Variants in TRERF1 observed in about 807,000 individuals in gnomAD.
The protein encoded by TRERF1 is transcriptional regulating factor 1, also known as transcriptional-regulating factor 1.
In TRERF1, 27 loss-of-function variants were observed where a neutral mutation model predicts 122.9. That is an observed-to-expected ratio of 0.22 (90% CI 0.16 to 0.30). The LOEUF (loss-of-function observed/expected upper bound fraction) is 0.30, where lower values mean the gene tolerates loss of function less well. Ranked by LOEUF, TRERF1 falls within the 10% of genes least tolerant of loss-of-function variation. The pLI is 1.00. For synonymous variants in TRERF1, 636 were observed against 641.7 expected, an observed-to-expected ratio of 0.99 and a Z score of 0.13; for missense variants, 1,248 against 1,560.3, an observed-to-expected ratio of 0.80 and a Z score of 3.37.
intron 2 of TRERF1, among the ~76,000 whole-genome samples, chr6:42,397,353 A>T (rs1171347990): frequency 6.6e-6 from 1 of 152,204 alleles, no homozygotes; most frequent in Non-Finnish European, 1.5e-5. Context: ...ATGACAGGAC[A>T]CAGGCACCGT....
intron 4 of TRERF1, among the ~76,000 whole-genome samples, chr6:42,272,357 T>G (rs1029500616): frequency 1.8e-4 from 28 of 151,638 alleles, no homozygotes; most frequent in Non-Finnish European, 3.4e-4. Flanking sequence ...GAGCCGTGGG[T>G]GGAAGGGGAG....
intron 10 of TRERF1, 40 bp downstream of exon 10, chr6:42,258,095 C>A (rs745621370): frequency 1.3e-6 from 2 of 1,551,154 alleles, no homozygotes; most frequent in East Asian, 4.5e-5. Flanking sequence ...TCTCAAGAAG[C>A]TGAGGCTTCT....
chr6:42,429,448 GCTA>G (rs1387270279), intron 2 of TRERF1, among the ~76,000 whole-genome samples: 1 of 152,156 alleles, frequency 6.6e-6, no homozygotes, highest in Non-Finnish European at 1.5e-5. Flanking sequence ...AGCACCCCCT[GCTA>G]CCGCCTCCTC....
chr6:42,355,245 A>T (rs1332203394), intron 3 of TRERF1, among the ~76,000 whole-genome samples: 1 of 152,218 alleles, frequency 6.6e-6, no homozygotes, highest in East Asian at 1.9e-4. Flanking sequence ...CACTTTATAT[A>T]TTCCTCTTAA....
intron 3 of TRERF1, among the ~76,000 whole-genome samples, chr6:42,344,625 A>G (rs1281652379): frequency 6.6e-6 from 1 of 152,138 alleles, no homozygotes; most frequent in African/African-American, 2.4e-5. Flanking sequence ...GTTCCTGCCC[A>G]GTGCTACTAA....
At chr6:42,396,301 G>A (rs777848948) in intron 2 of TRERF1, among the ~76,000 whole-genome samples, 1 of 152,028 alleles carries the variant, frequency 6.6e-6, no homozygotes, top group African/African-American at 2.4e-5. Flanking sequence ...TGCTCCGACC[G>A]ACTGAAACAA....
intron 2 of TRERF1, among the ~76,000 whole-genome samples, chr6:42,404,326 G>T (rs1172028147): frequency 6.6e-6 from 1 of 152,062 alleles, no homozygotes; most frequent in Non-Finnish European, 1.5e-5. Context: ...GGTCACCGTA[G>T]ACTCCCCTGC....
chr6:42,284,071 T>C (rs769379902), intron 4 of TRERF1, among the ~76,000 whole-genome samples: 44 of 152,222 alleles, frequency 2.9e-4, no homozygotes, highest in Non-Finnish European at 5.0e-4. Context: ...ATTTATCATT[T>C]GTGCATAAAC....
chr6:42,268,878 T>G lies in TRERF1; in HGVS notation c.713A>C (p.Gln238Pro), dbSNP rs1256750446. ...CTGCACTGGCACCTGAGCCAGAGGCTGCTGGTAGTCATAATACAGGTGCCC... is the reference window on the plus strand; with the variant it reads ...CTGCACTGGCACCTGAGCCAGAGGCGGCTGGTAGTCATAATACAGGTGCCC... Residue 238 changes from glutamine (Q) to proline (P), a missense_variant, in exon 5 of 18, where the codon CAG (glutamine) becomes CCG (proline). Physicochemically the swap from Gln to Pro is moderately conservative, Grantham distance 76. Transcript: ENST00000372922. This position sits in a 1 kb window ranked among gnomAD's most constrained non-coding sequence, Gnocchi z 4.4. 1.2e-6 allele frequency: 2 copies of G among 1,614,110 alleles called. No individual in the cohort carries two copies. Among genetic ancestry groups the G allele is most frequent in the Non-Finnish European group, 1.7e-6 (2 of 1,179,996 alleles).
intron 3 of TRERF1, among the ~76,000 whole-genome samples, chr6:42,355,563 G>A (rs1431498502): frequency 1.3e-5 from 2 of 152,178 alleles, no homozygotes; most frequent in Non-Finnish European, 2.9e-5. Context: ...GGATCTGGAA[G>A]TTTTCCATCT....
chr6:42,386,358 G>A (rs745964584), intron 2 of TRERF1, among the ~76,000 whole-genome samples: 13 of 152,242 alleles, frequency 8.5e-5, no homozygotes, highest in South Asian at 6.2e-4. Context: ...CAGGAGAATC[G>A]CTTGAACCCA....
At position 42,393,443 on chromosome 6, in the gene TRERF1, G is replaced by A. The variant is rs117925884; in HGVS notation, c.-453-30364C>T. Among the ~76,000 whole-genome samples, 11 of 152,318 alleles carry A rather than the reference G, an allele frequency of 7.2e-5. No homozygotes were observed. In the South Asian group the frequency reaches 1.2e-3, roughly 17 times the overall value. ...CTTCTCAGAGAAGTGGTTGAAGGAC[G>A]ATGAGAAGTAAGTAAAGGTCAGAAC... is the stretch of plus-strand genomic sequence containing the variant. On this transcript the variant is annotated intron_variant, in intron 2 of 17. Coordinates refer to ENST00000372922, the Ensembl canonical transcript of TRERF1. This position sits in a 1 kb window ranked among gnomAD's most constrained non-coding sequence, Gnocchi z 4.1.
intron 2 of TRERF1, among the ~76,000 whole-genome samples, chr6:42,429,923 G>A (rs1250200499): frequency 6.6e-6 from 1 of 152,156 alleles, no homozygotes; most frequent in Non-Finnish European, 1.5e-5. Context: ...AAGCCCTGTT[G>A]AGAAAGAGAC....
chr6:42,296,480 C>T (rs897887751), intron 4 of TRERF1, among the ~76,000 whole-genome samples: 5 of 152,198 alleles, frequency 3.3e-5, no homozygotes, highest in Non-Finnish European at 7.3e-5. Context: ...GTTACAAGCT[C>T]TACAGGCATC....
At chr6:42,380,811 G>A (rs1775786029) in intron 2 of TRERF1, among the ~76,000 whole-genome samples, 1 of 152,224 alleles carries the variant, frequency 6.6e-6, no homozygotes, top group Non-Finnish European at 1.5e-5. Flanking sequence ...ACGGGCTCCA[G>A]GGTGGGGTTG....
chr6:42,250,464 C>T (rs1203887221), intron 13 of TRERF1, among the ~76,000 whole-genome samples: 1 of 152,150 alleles, frequency 6.6e-6, no homozygotes, highest in Non-Finnish European at 1.5e-5. Context: ...ACACGTTCCT[C>T]GTTCTTAGAC....
intron 2 of TRERF1, among the ~76,000 whole-genome samples, chr6:42,407,608 C>A (rs1780368988): frequency 6.6e-6 from 1 of 152,106 alleles, no homozygotes; most frequent in Non-Finnish European, 1.5e-5. Flanking sequence ...TGTCCAAAAC[C>A]ACATGATAAC....
chr6:42,290,143 C>T lies in TRERF1; in HGVS notation c.-259+10495G>A, dbSNP rs755450490. Among the ~76,000 whole-genome samples, 6 of 152,168 alleles carry T rather than the reference C, an allele frequency of 3.9e-5. No individual in the cohort carries two copies. The East Asian group carries it at 9.6e-4, about 24-fold the overall frequency. On this transcript the variant is annotated intron_variant, in intron 4 of 17. Transcript: ENST00000372922. The stretch of plus-strand genomic sequence containing the variant: ...CGGCCAGCACGCCGGTGAACATGGG[C>T]CCAGCGCTCAGGGGTCATGTCTTCC...
chr6:42,232,701 G>T lies in TRERF1; in HGVS notation c.3258C>A (p.Phe1086Leu). The T allele has an allele frequency of 3.1e-6, 5 of 1,602,514 alleles. No individual in the cohort carries two copies. Among genetic ancestry groups the T allele is most frequent in the Non-Finnish European group, 4.3e-6 (5 of 1,170,642 alleles). ...CCTACTTGCCACACTCCTTGCAGGG[G>T]AAGATGGTGGTGGGGTCTGTCTCGC... Residue 1086 changes from phenylalanine to leucine, a missense_variant, in exon 17 of 18, where the codon TTC (phenylalanine) becomes TTA (leucine). By Grantham distance (22) the Phe-to-Leu change is conservative. Transcript: ENST00000372922. The surrounding 1 kb of genome is among the most constrained non-coding windows in gnomAD (Gnocchi z 4.5).
Sources: gnomAD v4.1 joint callset for allele counts (sites outside exome capture counted in the v4.1 genomes callset) on GRCh38, gnomAD v4.1.1 for gene constraint, Gnocchi (gnomAD v3.1) non-coding constraint, MANE v1.5 for transcripts, NCBI Gene and HGNC (gene_info 2026-07-23, HGNC 2026-07-21) for gene names.